Variants in XKR6 observed in about 807,000 individuals in gnomAD.
XKR6 encodes the protein XK-related protein 6.
Under a neutral mutation model 56.7 loss-of-function variants are expected in XKR6, and 22 were observed. The ratio of observed to expected loss-of-function variants is 0.39; its 90% confidence interval spans 0.28 to 0.55. The LOEUF (loss-of-function observed/expected upper bound fraction) is 0.55. Ranked by LOEUF, XKR6 falls within the 20% of genes least tolerant of loss-of-function variation. The probability of loss-of-function intolerance (pLI) is 0.66; values close to 1 mark genes in which losing one functional copy is unlikely to be tolerated. For synonymous variants in XKR6, 524 were observed against 387.8 expected, an observed-to-expected ratio of 1.35 and a Z score of -4.13; for missense variants, 852 against 889.0, an observed-to-expected ratio of 0.96 and a Z score of 0.53.
rs1586544770 is a variant in XKR6, at chr8:11,100,757, A to G, written c.764+99819T>C. 2.0e-5 allele frequency among the ~76,000 whole-genome samples: 3 copies of G among 152,368 alleles called. No homozygotes were observed. In the South Asian group the frequency reaches 6.2e-4, roughly 32 times the overall value. ...GGCTAATTGAACTAGGAATCAAAGC[A>G]GTTTCTGGGGAGGAAGGTAGGAAGT... On this transcript the variant is annotated intron_variant, in intron 1 of 2. Transcript: ENST00000416569.
At chr8:11,017,215 ATAGG>A (rs1195146341) in intron 1 of XKR6, among the ~76,000 whole-genome samples, 2 of 152,222 alleles carry the variant, frequency 1.3e-5, no homozygotes, top group Non-Finnish European at 2.9e-5. Context: ...TAGGCCACAG[ATAGG>A]TAGGCAGTGG....
intron 1 of XKR6, among the ~76,000 whole-genome samples, chr8:11,000,180 C>G (rs1798206682): frequency 6.6e-6 from 1 of 152,116 alleles, no homozygotes; most frequent in Non-Finnish European, 1.5e-5. Context: ...CACCCCTGGT[C>G]CTGTCTTCCT....
chr8:11,098,233 A>G (rs1798336917), intron 1 of XKR6, among the ~76,000 whole-genome samples: 1 of 151,904 alleles, frequency 6.6e-6, no homozygotes, highest in East Asian at 1.9e-4. Flanking sequence ...ACGCACTCAC[A>G]CACGCACAAC....
intron 1 of XKR6, chr8:11,175,598 A>G (rs1802615276): frequency 6.6e-6 from 1 of 152,270 alleles, no homozygotes; most frequent in South Asian, 2.1e-4. Context: ...AAATGCAATC[A>G]AAAGTTAAGA....
chr8:10,911,827 G>A (rs1800380429), intron 2 of XKR6, among the ~76,000 whole-genome samples: 1 of 150,686 alleles, frequency 6.6e-6, no homozygotes, highest in Admixed American at 6.6e-5. Flanking sequence ...GGGTGAGTAT[G>A]TGTATATATA....
intron 1 of XKR6, among the ~76,000 whole-genome samples, chr8:10,996,597 G>C (rs1010160202): frequency 6.6e-6 from 1 of 152,182 alleles, no homozygotes; most frequent in African/African-American, 2.4e-5. Context: ...TTTGTCTGCT[G>C]TATCTACAAG....
At chr8:11,065,446 C>T (rs1799950689) in intron 1 of XKR6, among the ~76,000 whole-genome samples, 1 of 152,220 alleles carries the variant, frequency 6.6e-6, no homozygotes, top group Non-Finnish European at 1.5e-5. Context: ...GAGGACATTA[C>T]TTTATCCTTG....
chr8:10,942,881 C>T (rs889823122), intron 1 of XKR6, among the ~76,000 whole-genome samples: 9 of 152,256 alleles, frequency 5.9e-5, no homozygotes, highest in East Asian at 3.8e-4. Context: ...TCTTGCCTGA[C>T]GCATCCTTCT....
At chr8:11,156,977 G>A (rs912011607) in intron 1 of XKR6, among the ~76,000 whole-genome samples, 4 of 152,284 alleles carry the variant, frequency 2.6e-5, no homozygotes, top group African/African-American at 4.8e-5. Flanking sequence ...ACCAAGTGAC[G>A]GAGATGAACC....
chr8:11,149,437 C>T (rs555123454), intron 1 of XKR6, among the ~76,000 whole-genome samples: 1 of 152,176 alleles, frequency 6.6e-6, no homozygotes, highest in African/African-American at 2.4e-5. Context: ...ACCAAAATGT[C>T]ATTATGCACC....
chr8:11,123,997 A>G (rs1438061998), intron 1 of XKR6: 6 of 456,006 alleles, frequency 1.3e-5, no homozygotes, highest in Non-Finnish European at 2.6e-5. Flanking sequence ...CAGCCTCTCT[A>G]AAACAGTCCT....
rs35214787 is a variant in XKR6 at position 11,179,020 on chromosome 8, CTTTTTTTT to C, written c.764+21548_764+21555del. Among the ~76,000 whole-genome samples, 12 of 104,522 alleles carry C rather than the reference CTTTTTTTT, an allele frequency of 1.1e-4. 1 individual carries two copies. Among genetic ancestry groups the C allele is most frequent in the South Asian group, 2.9e-4 (1 of 3,468 alleles). The allele number at this position is 104,522 out of a possible 152,430, so 68.6% of individuals were successfully genotyped here. A position where few individuals can be genotyped will look rare whatever the true frequency, so the allele number is the denominator to read the frequency against. On this transcript the variant is annotated intron_variant, in intron 1 of 2. Coordinates refer to ENST00000416569, the MANE Select transcript of XKR6 (RefSeq NM_173683.4). ...ACCACACCTGGCTAATTTTCTTTTT[CTTTTTTTT>C]TTTTTTTTTTTGGAGAGCTAGGGTC...
intron 1 of XKR6, among the ~76,000 whole-genome samples, chr8:11,138,800 A>T (rs1333024417): frequency 2.0e-5 from 3 of 152,210 alleles, no homozygotes; most frequent in Non-Finnish European, 4.4e-5. Context: ...TCACAAAATG[A>T]CTAATTTTAT....
chr8:11,147,782 A>C (rs1801065647), intron 1 of XKR6, among the ~76,000 whole-genome samples: 1 of 152,192 alleles, frequency 6.6e-6, no homozygotes, highest in African/African-American at 2.4e-5. Context: ...CTGGAATCAC[A>C]ACAGTTGATC....
At chr8:11,140,066 G>C (rs1490046871) in intron 1 of XKR6, among the ~76,000 whole-genome samples, 1 of 150,714 alleles carries the variant, frequency 6.6e-6, no homozygotes, top group Admixed American at 6.6e-5. Flanking sequence ...TGGAAGACAA[G>C]AACACGTAAA....
chr8:11,169,912 T>C (rs10102701), intron 1 of XKR6, among the ~76,000 whole-genome samples: 16,224 of 152,106 alleles, frequency 0.11, 1,785 homozygotes, highest in African/African-American at 0.28. Flanking sequence ...TTACAATAAA[T>C]TTTTAATATA....
intron 1 of XKR6, among the ~76,000 whole-genome samples, chr8:11,057,160 T>C (rs936407639): frequency 6.6e-5 from 10 of 152,216 alleles, no homozygotes; most frequent in East Asian, 1.9e-4. Context: ...TCATGGATCC[T>C]ATTTGTCACC....
intron 2 of XKR6, among the ~76,000 whole-genome samples, chr8:10,909,547 T>G (rs1282945860): frequency 6.6e-6 from 1 of 152,210 alleles, no homozygotes; most frequent in East Asian, 1.9e-4. Context: ...TGGAATTACA[T>G]GCAAAACTGT....
chr8:10,968,369 T>C (rs542458074), intron 1 of XKR6, among the ~76,000 whole-genome samples: 8 of 152,238 alleles, frequency 5.3e-5, no homozygotes, highest in Non-Finnish European at 8.8e-5. Flanking sequence ...ATCAGTAGAA[T>C]GTGTGTCTCT....
Sources: allele counts gnomAD v4.1 joint callset (sites outside exome capture counted in the v4.1 genomes callset), GRCh38; gene constraint gnomAD v4.1.1; transcripts MANE v1.5; gene names NCBI Gene and HGNC (gene_info 2026-07-23, HGNC 2026-07-21).